The following SLC35E4 variants were observed in gnomAD, a reference collection of about 807,000 sequenced individuals.
The protein encoded by SLC35E4 is solute carrier family 35 member E4, also known as solute carrier family 35, member E4.
Under a neutral mutation model 19.3 loss-of-function variants are expected in SLC35E4, and 15 were observed. The ratio of observed to expected loss-of-function variants is 0.78; its 90% CI spans 0.52 to 1.20. The LOEUF (loss-of-function observed/expected upper bound fraction) is 1.20. SLC35E4 is among the 50% of genes most tolerant of loss of function. The pLI is 0.00. For synonymous variants in SLC35E4, 219 were observed against 219.9 expected, an observed-to-expected ratio of 1.00 and a Z score of 0.04; for missense variants, 406 against 472.3, an observed-to-expected ratio of 0.86 and a Z score of 1.30.
chr22:30,661,410 T>C (rs2088461863), intron 2 of SLC35E4: 1 of 151,970 alleles, frequency 6.6e-6, no homozygotes, highest in South Asian at 2.1e-4. Flanking sequence ...AAAATATTTC[T>C]GGTCCCAAGC....
chr22:30,658,105 A>G (rs1382483545), intron 2 of SLC35E4, among the ~76,000 whole-genome samples: 5 of 151,312 alleles, frequency 3.3e-5, no homozygotes, highest in African/African-American at 1.2e-4. Context: ...GACCATTTCA[A>G]AATAAATTTT....
exon 3 of SLC35E4, chr22:30,663,292 T>C: frequency 1.3e-6 from 1 of 789,566 alleles, no homozygotes; most frequent in South Asian, 2.0e-5. Flanking sequence ...AGTTAAAAGC[T>C]ACAGCAACTC....
chr22:30,649,697 C>T (rs1160514604), downstream of SLC35E4, among the ~76,000 whole-genome samples: 1 of 149,680 alleles, frequency 6.7e-6, no homozygotes, highest in African/African-American at 2.5e-5. Flanking sequence ...CTTTGCCAGG[C>T]AGGATGGAGG....
chr22:30,663,518 G>A (rs139011446), downstream of SLC35E4: 103 of 1,614,088 alleles, frequency 6.4e-5, no homozygotes, highest in Non-Finnish European at 7.5e-5. Flanking sequence ...TGTGCACAGT[G>A]TTCTTGCCAA....
chr22:30,651,425 ATATTTTTTTTTTTTTT>A (rs1288638931), downstream of SLC35E4, among the ~76,000 whole-genome samples: 52 of 27,434 alleles, frequency 1.9e-3, no homozygotes, highest in South Asian at 0.016. Context: ...ATATATATAT[ATATTTTTTTTTTTTTT>A]TTTTTTTTTT....
downstream of SLC35E4, among the ~76,000 whole-genome samples, chr22:30,649,622 C>G (rs534046782): frequency 1.2e-4 from 18 of 149,378 alleles, no homozygotes; most frequent in Non-Finnish European, 2.4e-4. Context: ...CTCTATGACT[C>G]AGAGATGCCG....
chr22:30,647,328 A>T lies in SLC35E4; in HGVS notation c.*297A>T. 1 of 363,030 alleles carries T rather than the reference A, an allele frequency of 2.8e-6. No individual in the cohort carries two copies. The highest frequency in any genetic ancestry group is 5.0e-6 in the Non-Finnish European group (1 of 199,336). 22.5% of individuals were successfully genotyped at this position (363,030 alleles called of 1,614,324 possible). A position where few individuals can be genotyped will look rare whatever the true frequency, so the allele number is the denominator to read the frequency against. ...TGGGAGGATCACTTGAGCCCTGGAG[A>T]TCGAGGCTGCAGTAAGCCAAGATCG... On this transcript the variant is annotated 3_prime_UTR_variant, in exon 2 of 2. Transcript: ENST00000343605.
intron 2 of SLC35E4, among the ~76,000 whole-genome samples, chr22:30,653,131 C>T (rs1424507982): frequency 6.6e-6 from 1 of 152,174 alleles, no homozygotes; most frequent in Non-Finnish European, 1.5e-5. Context: ...TAAATGCTTG[C>T]TCAGTGAGGG....
exon 3 of SLC35E4, chr22:30,662,433 C>T (rs890856423): frequency 1.3e-5 from 2 of 152,130 alleles, no homozygotes; most frequent in Non-Finnish European, 2.9e-5. Context: ...TTCTCATGTG[C>T]CCTGGAGAAG....
downstream of SLC35E4, chr22:30,665,627 G>A (rs1026231441): frequency 1.1e-5 from 5 of 453,972 alleles, no homozygotes; most frequent in African/African-American, 1.0e-4. Flanking sequence ...TCTGCTCCAG[G>A]CTTTCTTAGC....
intron 1 of SLC35E4, among the ~76,000 whole-genome samples, chr22:30,645,464 G>A (rs1347238579): frequency 1.3e-5 from 2 of 151,990 alleles, no homozygotes; most frequent in South Asian, 2.1e-4. Context: ...TTGTGGTGGC[G>A]CATGCCTGTG....
At chr22:30,664,020 T>C, downstream of SLC35E4, 1 of 1,603,376 alleles carries the variant, frequency 6.2e-7, no homozygotes, top group South Asian at 1.1e-5. Flanking sequence ...GGTGGGTCAG[T>C]GGTCAGCAGT....
chr22:30,649,351 A>G, downstream of SLC35E4: 2 of 678,866 alleles, frequency 2.9e-6, no homozygotes. Flanking sequence ...GAGGACTAGG[A>G]GCTAGACCAG....
downstream of SLC35E4, among the ~76,000 whole-genome samples, chr22:30,649,523 C>A (rs563264249): frequency 4.0e-5 from 6 of 150,478 alleles, no homozygotes; most frequent in South Asian, 1.1e-3. Flanking sequence ...CTAGGAGGAC[C>A]GGTATGGGGT....
At chr22:30,637,525 A>G (rs1057233656) in intron 1 of SLC35E4, among the ~76,000 whole-genome samples, 7 of 151,952 alleles carry the variant, frequency 4.6e-5, no homozygotes, top group African/African-American at 1.7e-4. Flanking sequence ...AGGTGCTAGG[A>G]TTTCAAGCGT....
Position 30,636,464 on chromosome 22 carries a change from C to T in SLC35E4, c.14C>T (p.Pro5Leu). The change falls in exon 1 of 2, where the codon CCG becomes CTG. Residue 5 changes from proline to leucine, a missense_variant. Physicochemically the swap from Pro to Leu is moderately conservative, Grantham distance 98 (BLOSUM62 -3). Coordinates refer to ENST00000343605, the MANE Select transcript of SLC35E4 (RefSeq NM_001001479.4). ...TCACTGGTGCGGATGTGCCGCTGCC[C>T]GCCGGAGCACCATGATGGCAGGATG... MCRC[P>L]PEHHDGRMTS... 2.0e-6 allele frequency: 3 copies of T among 1,492,578 alleles called. No individual in the cohort carries two copies. The highest frequency in any genetic ancestry group is 2.7e-6 in the Non-Finnish European group (3 of 1,114,026). 92.5% of individuals were successfully genotyped at this position (1,492,578 alleles called of 1,614,324 possible).
downstream of SLC35E4, among the ~76,000 whole-genome samples, chr22:30,651,592 T>A (rs1414041288): frequency 6.6e-6 from 1 of 151,378 alleles, no homozygotes; most frequent in Non-Finnish European, 1.5e-5. Flanking sequence ...AATAAACATT[T>A]CTTGATAAGT....
rs1274103802 is a variant in SLC35E4, at chr22:30,636,967, G to T, written c.517G>T (p.Gly173Trp). 2.5e-6 allele frequency: 4 copies of T among 1,611,564 alleles called. No homozygotes were observed. Among genetic ancestry groups the T allele is most frequent in the African/African-American group, 1.3e-5 (1 of 74,890 alleles). The change falls in exon 1 of 2, where the codon GGG becomes TGG. Residue 173 changes from glycine (G) to tryptophan (W), a missense_variant. Transcript: ENST00000343605. ...QLAAMGPLCL[G>W]AACSLAGEFR... ...GGCCGCCATGGGTCCGCTCTGCCTGGGGGCCGCCTGCAGCCTGGCTGGAGA... is the reference window on the plus strand; with the variant it reads ...GGCCGCCATGGGTCCGCTCTGCCTGTGGGCCGCCTGCAGCCTGGCTGGAGA...
downstream of SLC35E4, among the ~76,000 whole-genome samples, chr22:30,651,393 GTGTGTGTA>G (rs1399935041): frequency 2.6e-4 from 13 of 49,346 alleles, no homozygotes; most frequent in African/African-American, 8.0e-4. Flanking sequence ...GTGTGTGTGT[GTGTGTGTA>G]TATATATATA....
Sources: allele counts gnomAD v4.1 joint callset (sites outside exome capture counted in the v4.1 genomes callset), GRCh38; gene constraint gnomAD v4.1.1; transcripts MANE v1.5; gene names NCBI Gene and HGNC (gene_info 2026-07-23, HGNC 2026-07-21).